PRICKLE2: variants seen among roughly 807,000 people sequenced by gnomAD.
The protein encoded by PRICKLE2 is prickle planar cell polarity protein 2.
A neutral mutation model predicts 81.4 loss-of-function variants in PRICKLE2; 21 were observed. The observed-to-expected ratio is 0.26, with a 90% confidence interval of 0.18 to 0.37. The LOEUF (loss-of-function observed/expected upper bound fraction) is 0.37, where lower values mean the gene tolerates loss of function less well. PRICKLE2 is among the 10% of genes least tolerant of loss of function. The pLI is 1.00. For missense variants in PRICKLE2, 940 were observed against 1,109.0 expected (o/e 0.85, Z 2.16); for synonymous variants, 456 against 421.5 (o/e 1.08, Z -1.00).
At chr3:64,242,541 T>C (rs924096126) in intron 2 of PRICKLE2, among the ~76,000 whole-genome samples, 2 of 152,246 alleles carry the variant, frequency 1.3e-5, no homozygotes, top group East Asian at 3.8e-4. Context: ...ACAAGTTAAT[T>C]TTCCATTTAC....
At chr3:64,160,219 G>C in intron 3 of PRICKLE2, 142 bp from the exon 4 acceptor site, 1 of 884,296 alleles carries the variant, frequency 1.1e-6, no homozygotes, top group African/African-American at 1.6e-5. Context: ...CAACAGCCTT[G>C]GAGAGATTTA....
At chr3:64,155,027 T>A (rs1179941002) in intron 5 of PRICKLE2, 1 of 151,388 alleles carries the variant, frequency 6.6e-6, no homozygotes, top group African/African-American at 2.4e-5. Context: ...TGCATGCTTC[T>A]AATCCCAGCT....
chr3:64,191,428 C>T (rs1467485808), intron 2 of PRICKLE2, among the ~76,000 whole-genome samples: 1 of 152,192 alleles, frequency 6.6e-6, no homozygotes, highest in Non-Finnish European at 1.5e-5. Flanking sequence ...CAGATCAGCC[C>T]TGTGATCTCC....
intron 7 of PRICKLE2, among the ~76,000 whole-genome samples, chr3:64,139,904 T>C (rs1198462093): frequency 6.6e-6 from 1 of 152,324 alleles, no homozygotes; most frequent in East Asian, 1.9e-4. Context: ...GCCACATCCC[T>C]CTTTGTAAGG....
rs758585243 is a variant in PRICKLE2 at position 64,146,893 on chromosome 3, T to C, written c.1597A>G (p.Met533Val). 11 of 1,614,156 alleles carry C rather than the reference T, an allele frequency of 6.8e-6. No homozygotes were observed. The highest frequency in any genetic ancestry group is 6.7e-5 in the East Asian group (3 of 44,872). ...CGAGGGGTCTGCTCTGTGGGCGTCA[T>C]GTCCTCTGTGTATTTCAGGGAACTG... is the stretch of plus-strand genomic sequence containing the variant. The part of the protein sequence containing the change: ...PISSLKYTED[M>V]TPTEQTPRGS... The change falls in exon 7 of 8, where the codon ATG becomes GTG. Residue 533 changes from methionine to valine, a missense_variant. Met to Val is a conservative substitution (Grantham distance 21, BLOSUM62 1). Transcript: ENST00000638394.
intron 2 of PRICKLE2, among the ~76,000 whole-genome samples, chr3:64,195,548 C>G (rs2107108811): frequency 6.6e-6 from 1 of 152,158 alleles, no homozygotes; most frequent in East Asian, 1.9e-4. Context: ...TTTACACTCA[C>G]TATAATTTCT....
rs182490822 is a variant in PRICKLE2 at position 64,101,432 on chromosome 3, T to G, written c.1661-1507A>C. 11 of 152,284 alleles carry G rather than the reference T, an allele frequency of 7.2e-5. No individual in the cohort carries two copies. The East Asian group carries it at 2.1e-3, about 29-fold the overall frequency. The allele number at this position is 152,284 out of a possible 1,614,324, so 9.4% of individuals were successfully genotyped here. On this transcript the variant is annotated intron_variant, in intron 7 of 7. Coordinates refer to ENST00000638394, the MANE Select transcript of PRICKLE2 (RefSeq NM_198859.4). ...AAGGAAATTAAAAGAACCAGGATCTTGTTATGCCATAAAGTGAGAAAGTAT... is the reference window on the plus strand; with the variant it reads ...AAGGAAATTAAAAGAACCAGGATCTGGTTATGCCATAAAGTGAGAAAGTAT...
At chr3:64,244,122 C>T (rs1172887008) in intron 2 of PRICKLE2, among the ~76,000 whole-genome samples, 1 of 152,200 alleles carries the variant, frequency 6.6e-6, no homozygotes, top group African/African-American at 2.4e-5. Flanking sequence ...GGAATCAAAG[C>T]AGTGGCTCAG....
At chr3:64,144,633 G>A (rs2107010681) in intron 7 of PRICKLE2, among the ~76,000 whole-genome samples, 1 of 152,302 alleles carries the variant, frequency 6.6e-6, no homozygotes, top group East Asian at 1.9e-4. Flanking sequence ...CCCACAAAGG[G>A]GCAGATATAC....
At chr3:64,131,827 C>T (rs1046430288) in intron 7 of PRICKLE2, among the ~76,000 whole-genome samples, 35 of 152,200 alleles carry the variant, frequency 2.3e-4, no homozygotes, top group Non-Finnish European at 4.4e-4. Context: ...CTTTCTCAAT[C>T]CCCTCTGTAA....
At chr3:64,226,423 C>T (rs1250778989), upstream of PRICKLE2, among the ~76,000 whole-genome samples, 1 of 152,182 alleles carries the variant, frequency 6.6e-6, no homozygotes, top group African/African-American at 2.4e-5. Context: ...AGGCAAGTAA[C>T]TTAACTTGTG....
rs139450418 is a variant in PRICKLE2 at position 64,220,615 on chromosome 3, C to A, written c.-41+4295G>T. ...CAGGAAGAAGGGAGCTATCAGAGAA[C>A]CCCCGACTATTGCTTCCTCCTGTAG... On this transcript the variant is annotated intron_variant, in intron 1 of 7. Coordinates refer to ENST00000638394, the MANE Select transcript of PRICKLE2 (RefSeq NM_198859.4). 3.9e-4 allele frequency among the ~76,000 whole-genome samples: 60 copies of A among 152,290 alleles called. 1 individual carries two copies. The East Asian group carries it at 0.011, about 27-fold the overall frequency.
chr3:64,156,546 G>A (rs2077637949), intron 5 of PRICKLE2, among the ~76,000 whole-genome samples: 2 of 152,154 alleles, frequency 1.3e-5, no homozygotes, highest in Admixed American at 1.3e-4. Context: ...ACGGTAGGGT[G>A]TGCTTCTAGT....
intron 5 of PRICKLE2, among the ~76,000 whole-genome samples, chr3:64,156,556 T>G (rs1013125684): frequency 1.3e-5 from 2 of 152,190 alleles, no homozygotes; most frequent in Non-Finnish European, 2.9e-5. Context: ...GTGCTTCTAG[T>G]AGGGGAAGAA....
intron 7 of PRICKLE2, among the ~76,000 whole-genome samples, chr3:64,113,880 A>G (rs1200090354): frequency 6.6e-6 from 1 of 151,948 alleles, no homozygotes. Context: ...CACACACATA[A>G]TCTCCAGCAG....
At chr3:64,255,672 A>G (rs1364410412) in intron 2 of PRICKLE2, among the ~76,000 whole-genome samples, 1 of 152,178 alleles carries the variant, frequency 6.6e-6, no homozygotes, top group Non-Finnish European at 1.5e-5. Flanking sequence ...AACTCTAGTT[A>G]CTTACCTCAG....
chr3:64,199,254 A>G (rs2078523338), intron 1 of PRICKLE2: 1 of 557,516 alleles, frequency 1.8e-6, no homozygotes, highest in African/African-American at 1.9e-5. Context: ...CCCAAGAGGA[A>G]TGGTAATATA....
intron 1 of PRICKLE2, among the ~76,000 whole-genome samples, chr3:64,208,900 C>A (rs2078738100): frequency 6.6e-6 from 1 of 152,158 alleles, no homozygotes; most frequent in South Asian, 2.1e-4. Context: ...CCATCCATAT[C>A]CATCCATCTA....
intron 1 of PRICKLE2, among the ~76,000 whole-genome samples, chr3:64,210,844 T>G (rs2107135404): frequency 6.6e-6 from 1 of 152,308 alleles, no homozygotes; most frequent in Admixed American, 6.5e-5. Flanking sequence ...GGGCAGTATC[T>G]TAGATTGGTT....
Sources: gnomAD v4.1 joint callset for allele counts (sites outside exome capture counted in the v4.1 genomes callset) on GRCh38, gnomAD v4.1.1 for gene constraint, MANE v1.5 for transcripts, NCBI Gene and HGNC (gene_info 2026-07-23, HGNC 2026-07-21) for gene names.